LAMB1: variants seen among roughly 807,000 people sequenced by gnomAD.
The protein encoded by LAMB1 is laminin subunit beta-1.
In LAMB1, 121 loss-of-function variants were observed where a neutral mutation model predicts 222.3. That is an observed-to-expected ratio of 0.54 (90% CI 0.47 to 0.63). The LOEUF (loss-of-function observed/expected upper bound fraction) is 0.63, where lower values mean the gene tolerates loss of function less well. LAMB1 is among the 30% of genes least tolerant of loss of function. LAMB1 has a pLI of 0.00. For synonymous variants in LAMB1, 794 were observed against 807.2 expected (o/e 0.98, Z 0.28); for missense variants, 2,172 against 2,240.8 (o/e 0.97, Z 0.62).
chr7:107,980,515 C>T (rs1019723495), intron 8 of LAMB1, 94 bp downstream of exon 8: 7 of 1,031,616 alleles, frequency 6.8e-6, no homozygotes, highest in South Asian at 5.4e-5. Flanking sequence ...CTAAAACCCC[C>T]AGAAAATGTA....
At chr7:108,002,078 C>A in intron 2 of LAMB1, 1 of 1,471,328 alleles carries the variant, frequency 6.8e-7, no homozygotes, top group Non-Finnish European at 9.0e-7. Flanking sequence ...TCCACTTCGA[C>A]GTGTCCGGAG....
Position 107,960,510 on chromosome 7 carries a change from G to C in LAMB1, c.2249C>G (p.Pro750Arg). The C allele has an allele frequency of 1.2e-6, 2 of 1,614,168 alleles. No homozygotes were observed. The highest frequency in any genetic ancestry group is 1.7e-6 in the Non-Finnish European group (2 of 1,180,008). ...LENSRSVVKT[P>R]MTDVCRNIIF... Reference sequence around the variant, plus strand: ...GATGTTTCTGCAAACATCTGTCATCGGTGTTTTCACAACGCTTCTGCTGTT... The same window carrying C: ...GATGTTTCTGCAAACATCTGTCATCCGTGTTTTCACAACGCTTCTGCTGTT... Residue 750 changes from proline (P) to arginine (R), a missense_variant, in exon 18 of 34, where the codon CCG becomes CGG. Coordinates refer to ENST00000222399, the MANE Select transcript of LAMB1 (RefSeq NM_002291.3).
At position 107,935,510 on chromosome 7, in the gene LAMB1, A is replaced by ATTC; in HGVS notation, c.4090_4092dup (p.Glu1364dup). ...TCCTCTTGTTTTTCCTTGAACTGGG[A>ATTC]TTCTCGCTCCATCATCACGTCTTCT... On this transcript the variant is annotated inframe_insertion, in exon 27 of 34. Coordinates refer to ENST00000222399, the MANE Select transcript of LAMB1 (RefSeq NM_002291.3). The ATTC allele has an allele frequency of 3.1e-6, 5 of 1,613,816 alleles. No homozygotes were observed. The highest frequency in any genetic ancestry group is 4.2e-6 in the Non-Finnish European group (5 of 1,179,962).
intron 5 of LAMB1, among the ~76,000 whole-genome samples, chr7:107,991,676 C>T (rs1013543184): frequency 2.0e-5 from 3 of 151,638 alleles, no homozygotes; most frequent in South Asian, 2.1e-4. Flanking sequence ...TTTGTGACGC[C>T]GAGGCGGGCA....
rs762891182 is a variant in LAMB1 at position 107,998,343 on chromosome 7, C to G, written c.349+14G>C. The G allele has an allele frequency of 3.7e-6, 6 of 1,613,678 alleles. No individual in the cohort carries two copies. The South Asian group carries it at 6.6e-5, about 18-fold the overall frequency. Reference sequence around the variant, plus strand: ...TCACACTCAACGGAACTTGTCCCCACACCAACCACATACCATTTTCAGATT... The same window carrying G: ...TCACACTCAACGGAACTTGTCCCCAGACCAACCACATACCATTTTCAGATT... On this transcript the variant is annotated intron_variant, in intron 4 of 33. Coordinates refer to ENST00000222399, the MANE Select transcript of LAMB1 (RefSeq NM_002291.3).
intron 2 of LAMB1, chr7:108,002,079 G>C (rs939311503): frequency 6.8e-7 from 1 of 1,465,252 alleles, no homozygotes. Flanking sequence ...CCACTTCGAC[G>C]TGTCCGGAGC....
At chr7:108,001,836 A>G (rs762985150) in intron 2 of LAMB1, 103 bp from the exon 3 acceptor site, 18 of 1,536,878 alleles carry the variant, frequency 1.2e-5, no homozygotes, top group Non-Finnish European at 1.6e-5. Flanking sequence ...GAGAGAGGAC[A>G]GTCCATTCGG....
At chr7:107,946,220 G>A (rs1446919045) in intron 24 of LAMB1, among the ~76,000 whole-genome samples, 1 of 152,104 alleles carries the variant, frequency 6.6e-6, no homozygotes, top group African/African-American at 2.4e-5. Flanking sequence ...CTTTACTTAG[G>A]CATTTCTATT....
chr7:107,969,381 T>G (rs1051149821), intron 13 of LAMB1, among the ~76,000 whole-genome samples: 1 of 152,210 alleles, frequency 6.6e-6, no homozygotes, highest in African/African-American at 2.4e-5. Flanking sequence ...AATGGAATTT[T>G]AACATTTCCC....
intron 24 of LAMB1, among the ~76,000 whole-genome samples, chr7:107,948,060 C>A (rs1020098196): frequency 6.7e-6 from 1 of 148,966 alleles, no homozygotes. Context: ...TCTGCTCACT[C>A]ACTGCAACCT....
intron 27 of LAMB1, 34 bp from the exon 28 acceptor site, chr7:107,932,411 G>A (rs369962921): frequency 8.7e-6 from 14 of 1,605,676 alleles, no homozygotes; most frequent in South Asian, 6.6e-5. Flanking sequence ...ACAATACTTC[G>A]GATAGTGAAT....
intron 24 of LAMB1, among the ~76,000 whole-genome samples, chr7:107,948,058 C>T (rs1251407648): frequency 1.3e-5 from 2 of 148,544 alleles, no homozygotes; most frequent in African/African-American, 5.0e-5. Context: ...TCTCTGCTCA[C>T]TCACTGCAAC....
intron 5 of LAMB1, among the ~76,000 whole-genome samples, chr7:107,992,826 C>T (rs546528961): frequency 5.2e-4 from 79 of 152,166 alleles, no homozygotes; most frequent in Non-Finnish European, 7.6e-4. Flanking sequence ...ACCCAGGAGG[C>T]GGAGGGTGTA....
intron 5 of LAMB1, among the ~76,000 whole-genome samples, chr7:107,992,569 C>T (rs373755386): frequency 2.0e-5 from 3 of 152,192 alleles, no homozygotes; most frequent in East Asian, 1.9e-4. Flanking sequence ...TCCCACTATC[C>T]GCCAGGGCAA....
intron 26 of LAMB1, among the ~76,000 whole-genome samples, chr7:107,936,045 G>A (rs914817676): frequency 1.3e-5 from 2 of 152,264 alleles, no homozygotes; most frequent in African/African-American, 4.8e-5. Context: ...ATATTTGTAG[G>A]TTCCACATAT....
Position 108,002,906 on chromosome 7 carries a change from G to A in LAMB1, c.-21C>T. 6.2e-7 allele frequency: 1 copy of A among 1,613,672 alleles called. No homozygotes were observed. Among genetic ancestry groups the A allele is most frequent in the African/African-American group, 1.3e-5 (1 of 75,068 alleles). On this transcript the variant is annotated 5_prime_UTR_variant, in exon 2 of 34. Coordinates refer to ENST00000222399, the MANE Select transcript of LAMB1 (RefSeq NM_002291.3). ...CCCATGCCGGCTCCCTGCAGCCACG[G>A]GGACGCGGCAGAGGAGTGGAGAAGA...
chr7:108,002,161 G>T, intron 2 of LAMB1: 1 of 1,434,398 alleles, frequency 7.0e-7, no homozygotes, highest in Non-Finnish European at 9.3e-7. Flanking sequence ...GCGGCAGCCC[G>T]CGCATCCTCG....
chr7:107,946,619 A>G (rs1303693911), intron 24 of LAMB1, among the ~76,000 whole-genome samples: 1 of 152,228 alleles, frequency 6.6e-6, no homozygotes, highest in African/African-American at 2.4e-5. Flanking sequence ...GGTCTAGCCT[A>G]CCTCTTCTGA....
At position 107,978,150 on chromosome 7, in the gene LAMB1, C is replaced by T; in HGVS notation, c.897G>A (p.Met299Ile). 6.2e-7 allele frequency: 1 copy of T among 1,614,078 alleles called. No individual in the cohort carries two copies. Among genetic ancestry groups the T allele is most frequent in the South Asian group, 1.1e-5 (1 of 91,074 alleles). ...EVEGMVHGHC[M>I]CRHNTKGLNC... is the part of the protein sequence containing the mutation. The stretch of plus-strand genomic sequence containing the variant: ...TTAAGCCCTTGGTGTTATGCCTGCA[C>T]ATGCAGTGTCCGTGAACCTTGAAAG... Residue 299 changes from methionine to isoleucine, a missense_variant, in exon 9 of 34, where the codon ATG (methionine) becomes ATA (isoleucine). Transcript: ENST00000222399.
Sources: allele counts gnomAD v4.1 joint callset (sites outside exome capture counted in the v4.1 genomes callset), GRCh38; gene constraint gnomAD v4.1.1; transcripts MANE v1.5; gene names NCBI Gene and HGNC (gene_info 2026-07-23, HGNC 2026-07-21).